Variants in DIAPH3 observed in about 807,000 individuals in gnomAD.
DIAPH3 encodes the protein protein diaphanous homolog 3.
DIAPH3 carries 117 observed loss-of-function variants against 144.3 expected under a neutral mutation model. The ratio of observed to expected loss-of-function variants is 0.81; its 90% confidence interval spans 0.70 to 0.95. The LOEUF is 0.95. DIAPH3 is among the 40% of genes least tolerant of loss of function. DIAPH3 has a pLI of 0.00. For missense variants in DIAPH3, 1,421 were observed against 1,412.7 expected, an observed-to-expected ratio of 1.01 and a Z score of -0.09; for synonymous variants, 519 against 488.9, an observed-to-expected ratio of 1.06 and a Z score of -0.81.
chr13:59,711,243 C>T (rs1017751925), intron 27 of DIAPH3, among the ~76,000 whole-genome samples: 5 of 152,158 alleles, frequency 3.3e-5, no homozygotes, highest in Non-Finnish European at 7.4e-5. Flanking sequence ...AGCCCAACCA[C>T]ATTTAAAAAC....
At position 60,016,028 on chromosome 13, in the gene DIAPH3, T is replaced by C. The variant is rs764049401; in HGVS notation, c.701+43A>G. Reference sequence around the variant, plus strand: ...GCAGTGTTGGAATTATAATTGGACATATGAATGATGCTTACTTGAAAATAA... The same window carrying C: ...GCAGTGTTGGAATTATAATTGGACACATGAATGATGCTTACTTGAAAATAA... On this transcript the variant is annotated intron_variant, in intron 6 of 27. Transcript: ENST00000400324. 15 of 1,610,254 alleles carry C rather than the reference T, an allele frequency of 9.3e-6. No homozygotes were observed. In the East Asian group the frequency reaches 3.4e-4, roughly 36 times the overall value.
At chr13:60,029,074 ATTT>A (rs1170259804) in intron 5 of DIAPH3, among the ~76,000 whole-genome samples, 2 of 147,902 alleles carry the variant, frequency 1.4e-5, no homozygotes, top group Non-Finnish European at 3.0e-5. Flanking sequence ...AAAAGGGGGG[ATTT>A]TTTTTCTTCT....
intron 5 of DIAPH3, among the ~76,000 whole-genome samples, chr13:60,040,391 T>C (rs2055572250): frequency 6.6e-6 from 1 of 152,138 alleles, no homozygotes; most frequent in Admixed American, 6.6e-5. Context: ...TCTAGAATTG[T>C]CCATCCTTAG....
chr13:60,162,037 C>G (rs1952317345), intron 1 of DIAPH3, among the ~76,000 whole-genome samples: 1 of 152,126 alleles, frequency 6.6e-6, no homozygotes, highest in Admixed American at 6.5e-5. Context: ...ATGATTCATA[C>G]CAGACTCCCA....
At chr13:59,752,482 C>G (rs979326146) in intron 27 of DIAPH3, among the ~76,000 whole-genome samples, 1 of 151,798 alleles carries the variant, frequency 6.6e-6, no homozygotes, top group Non-Finnish European at 1.5e-5. Flanking sequence ...ATCCTCCCAT[C>G]TCAGCCTTTC....
chr13:59,688,389 C>CA (rs2033328040), intron 27 of DIAPH3, among the ~76,000 whole-genome samples: 1 of 151,700 alleles, frequency 6.6e-6, no homozygotes, highest in Non-Finnish European at 1.5e-5. Flanking sequence ...AAACCACTGA[C>CA]AAAAAAATAA....
intron 22 of DIAPH3, chr13:59,861,108 G>A: frequency 2.5e-6 from 2 of 799,144 alleles, no homozygotes; most frequent in Non-Finnish European, 1.9e-6. Context: ...CATCACCCTG[G>A]CCAAAAAGTG....
chr13:60,105,043 C>T (rs939912427), intron 3 of DIAPH3, among the ~76,000 whole-genome samples: 1 of 135,232 alleles, frequency 7.4e-6, no homozygotes, highest in African/African-American at 2.7e-5. Context: ...TTGCAGTGAG[C>T]TGAGATTGCG....
intron 27 of DIAPH3, among the ~76,000 whole-genome samples, chr13:59,723,766 G>A (rs902270966): frequency 2.0e-5 from 3 of 151,082 alleles, no homozygotes; most frequent in African/African-American, 4.9e-5. Context: ...GTGTGCCACC[G>A]CACCCAGCTA....
intron 27 of DIAPH3, among the ~76,000 whole-genome samples, chr13:59,728,215 T>C (rs1168024207): frequency 2.0e-5 from 3 of 152,158 alleles, no homozygotes; most frequent in Admixed American, 6.6e-5. Flanking sequence ...GGTTACTCTT[T>C]TTATTTTTAA....
intron 3 of DIAPH3, among the ~76,000 whole-genome samples, chr13:60,102,509 A>G (rs1258027276): frequency 6.6e-6 from 1 of 152,188 alleles, no homozygotes. Flanking sequence ...CAAACATGAG[A>G]TGCAGGTAAG....
At chr13:59,815,879 C>G (rs1240068846) in intron 24 of DIAPH3, among the ~76,000 whole-genome samples, 1 of 152,086 alleles carries the variant, frequency 6.6e-6, no homozygotes, top group Non-Finnish European at 1.5e-5. Context: ...TCTCCCTTTT[C>G]AATCTTTACA....
intron 2 of DIAPH3, among the ~76,000 whole-genome samples, chr13:60,128,867 T>C (rs2059062127): frequency 6.6e-6 from 1 of 152,114 alleles, no homozygotes; most frequent in Non-Finnish European, 1.5e-5. Context: ...CTTAGAAATG[T>C]TAAATACTGG....
intron 20 of DIAPH3, among the ~76,000 whole-genome samples, chr13:59,884,199 T>C (rs756563497): frequency 2.0e-5 from 3 of 152,122 alleles, no homozygotes; most frequent in Non-Finnish European, 2.9e-5. Flanking sequence ...GGTTGCATGC[T>C]CCTTATGAGA....
chr13:59,953,977 T>C (rs148124307), intron 17 of DIAPH3, among the ~76,000 whole-genome samples: 1 of 152,256 alleles, frequency 6.6e-6, no homozygotes, highest in African/African-American at 2.4e-5. Context: ...AGAAACAAAA[T>C]AAGGCAAAAT....
intron 27 of DIAPH3, among the ~76,000 whole-genome samples, chr13:59,753,010 T>C (rs2037089937): frequency 6.6e-6 from 1 of 152,206 alleles, no homozygotes; most frequent in African/African-American, 2.4e-5. Context: ...TAGCTACTAA[T>C]GAAAATTACA....
chr13:60,019,956 G>A (rs1485192680), intron 5 of DIAPH3, among the ~76,000 whole-genome samples: 2 of 151,488 alleles, frequency 1.3e-5, no homozygotes, highest in Admixed American at 6.6e-5. Context: ...AGATGTGCTC[G>A]TAGAAAGGGA....
chr13:59,765,252 A>G (rs1208326554), intron 27 of DIAPH3, among the ~76,000 whole-genome samples: 1 of 152,114 alleles, frequency 6.6e-6, no homozygotes, highest in East Asian at 1.9e-4. Context: ...TCCAATTACT[A>G]AATCCATTCT....
At chr13:60,022,588 A>G (rs1566671360) in intron 5 of DIAPH3, among the ~76,000 whole-genome samples, 2 of 152,134 alleles carry the variant, frequency 1.3e-5, no homozygotes, top group Non-Finnish European at 2.9e-5. Flanking sequence ...CTTCTGATGG[A>G]AGCTGCCAAT....
Sources: allele counts gnomAD v4.1 joint callset (sites outside exome capture counted in the v4.1 genomes callset), GRCh38; gene constraint gnomAD v4.1.1; transcripts MANE v1.5; gene names NCBI Gene and HGNC (gene_info 2026-07-23, HGNC 2026-07-21).